The following LYST variants were observed in gnomAD, a reference collection of about 807,000 sequenced individuals.
LYST encodes lysosomal-trafficking regulator.
Under a neutral mutation model 413.6 loss-of-function variants are expected in LYST, and 192 were observed. The observed-to-expected ratio is 0.46, with a 90% CI of 0.41 to 0.52. The LOEUF is 0.52. Among genes scored for constraint, LYST ranks in the 20% least tolerant of loss-of-function variants. LYST has a pLI of 0.00. For synonymous variants in LYST, 1,525 were observed against 1,567.3 expected, an observed-to-expected ratio of 0.97 and a Z score of 0.64; for missense variants, 3,815 against 4,499.9, an observed-to-expected ratio of 0.85 and a Z score of 4.35.
intron 14 of LYST, 29 bp from the exon 15 acceptor site, chr1:235,782,116 C>A: frequency 6.3e-7 from 1 of 1,588,542 alleles, no homozygotes. Context: ...AAAGTTAAAG[C>A]AATGACTTTA....
At chr1:235,676,114 A>G (rs1659359333) in intron 50 of LYST, among the ~76,000 whole-genome samples, 1 of 152,220 alleles carries the variant, frequency 6.6e-6, no homozygotes, top group Non-Finnish European at 1.5e-5. Flanking sequence ...TAACATGTAT[A>G]TATGAAACAA....
chr1:235,731,059 G>C lies in LYST; in HGVS notation c.8920C>G (p.Leu2974Val). The C allele has an allele frequency of 1.2e-6, 2 of 1,613,676 alleles. No homozygotes were observed. Among genetic ancestry groups the C allele is most frequent in the Non-Finnish European group, 8.5e-7 (1 of 1,179,620 alleles). The change falls in exon 35 of 53, where the codon CTC becomes GTC. Residue 2974 changes from leucine (L) to valine (V), a missense_variant. Leu to Val is a conservative substitution (Grantham distance 32). Transcript: ENST00000389793. ...RCYLTIPNKY[L>V]LRDRQKSEDV... ...TCTGATTTCTGTCTATCCCTAAGGA[G>C]ATACTTATTTGGAATAGTTAAATAA...
intron 50 of LYST, among the ~76,000 whole-genome samples, chr1:235,667,937 C>G (rs1185089690): frequency 1.3e-5 from 2 of 152,136 alleles, no homozygotes; most frequent in Non-Finnish European, 2.9e-5. Context: ...GCAGGGATTA[C>G]AGGCATAGCC....
chr1:235,829,756 A>G (rs1453841119), intron 3 of LYST: 1 of 153,460 alleles, frequency 6.5e-6, no homozygotes, highest in Admixed American at 6.5e-5. Flanking sequence ...AAAACGTTTG[A>G]TAAATTAGAT....
At chr1:235,730,549 A>G (rs990093105) in intron 36 of LYST, among the ~76,000 whole-genome samples, 4 of 148,610 alleles carry the variant, frequency 2.7e-5, no homozygotes, top group Non-Finnish European at 4.4e-5. Flanking sequence ...ATATATGTGT[A>G]TATATATACA....
chr1:235,858,196 A>G (rs1679432791), intron 1 of LYST, among the ~76,000 whole-genome samples: 1 of 152,254 alleles, frequency 6.6e-6, no homozygotes, highest in Admixed American at 6.5e-5. Context: ...AAGTGCTTCA[A>G]TGCTAGAAGG....
chr1:235,694,987 T>C (rs561075864), intron 46 of LYST, among the ~76,000 whole-genome samples: 6 of 152,342 alleles, frequency 3.9e-5, no homozygotes, highest in East Asian at 3.9e-4. Context: ...GTGTGTCTCT[T>C]GTGTTAACAA....
intron 50 of LYST, 88 bp downstream of exon 50, chr1:235,677,003 G>A: frequency 1.1e-6 from 1 of 891,070 alleles, no homozygotes; most frequent in South Asian, 1.3e-5. Context: ...AGGGACCTGA[G>A]AGAATGGCTC....
At chr1:235,744,904 GA>G (rs61649555) in intron 29 of LYST, among the ~76,000 whole-genome samples, 33,705 of 137,266 alleles carry the variant, frequency 0.25, 5,551 homozygotes, top group African/African-American at 0.5. Context: ...AAAAAAAAAA[GA>G]AAAAAAAAAA....
At chr1:235,788,615 T>C in intron 13 of LYST, 86 bp downstream of exon 13, 2 of 1,328,494 alleles carry the variant, frequency 1.5e-6, no homozygotes, top group South Asian at 2.5e-5. Flanking sequence ...ATAATGAACT[T>C]TTATTAGTAG....
intron 31 of LYST, chr1:235,738,364 T>C (rs1572109288): frequency 6.2e-7 from 1 of 1,612,742 alleles, no homozygotes; most frequent in Non-Finnish European, 8.5e-7. Flanking sequence ...TCATCATTCC[T>C]AATGTTGTAA....
intron 2 of LYST, among the ~76,000 whole-genome samples, chr1:235,831,531 G>A (rs1016097950): frequency 3.9e-5 from 6 of 152,110 alleles, no homozygotes; most frequent in Admixed American, 1.3e-4. Context: ...ATGAACCAAC[G>A]GGATACAAAG....
intron 1 of LYST, among the ~76,000 whole-genome samples, chr1:235,882,593 G>T (rs1047143146): frequency 6.6e-6 from 1 of 152,172 alleles, no homozygotes; most frequent in African/African-American, 2.4e-5. Context: ...CCAGCTGAGG[G>T]TATTGGAAAT....
chr1:235,715,191 A>G lies in LYST; in HGVS notation c.9784+10T>C. 1 of 1,612,972 alleles carries G rather than the reference A, an allele frequency of 6.2e-7. No individual in the cohort carries two copies. The highest frequency in any genetic ancestry group is 8.5e-7 in the Non-Finnish European group (1 of 1,179,114). ...CAACATGACTTTTTAGGCAGTTATT[A>G]AATTCTTACCTTGATAGGCTAAAAA... On this transcript the variant is annotated intron_variant, in intron 42 of 52. Transcript: ENST00000389793.
chr1:235,882,108 A>AC (rs1553330425), intron 1 of LYST, among the ~76,000 whole-genome samples: 1 of 151,702 alleles, frequency 6.6e-6, no homozygotes, highest in African/African-American at 2.4e-5. Flanking sequence ...ACACACACAC[A>AC]AATAGGAGGC....
intron 48 of LYST, 102 bp from the exon 49 acceptor site, chr1:235,677,721 C>G: frequency 2.4e-6 from 2 of 845,376 alleles, no homozygotes. Context: ...ATGGTCTTCT[C>G]AAACATATCA....
In LYST at chr1:235,712,743, G is replaced by A. The variant is rs1239032574; in HGVS notation, c.9785-546C>T. 3 of 984,882 alleles carry A rather than the reference G, an allele frequency of 3.0e-6. No homozygotes were observed. In the Admixed American group the frequency reaches 1.9e-4, roughly 61 times the overall value. 61.0% of individuals were successfully genotyped at this position (984,882 alleles called of 1,614,324 possible). A position where few individuals can be genotyped will look rare whatever the true frequency, so the allele number is the denominator to read the frequency against. On this transcript the variant is annotated intron_variant, in intron 42 of 52. Transcript: ENST00000389793. ...CATTGTTTTTTGGTGTTCTAACTCT[G>A]AGCTAAAGAATTGAGTAAAATTTCC... is the stretch of plus-strand genomic sequence containing the variant.
intron 42 of LYST, among the ~76,000 whole-genome samples, chr1:235,713,548 T>C (rs891939524): frequency 9.2e-5 from 14 of 152,208 alleles, no homozygotes; most frequent in Admixed American, 9.2e-4. Flanking sequence ...AGTAGCACTT[T>C]TGCCCTCCAG....
At chr1:235,837,802 G>C (rs896806992) in intron 1 of LYST, among the ~76,000 whole-genome samples, 3 of 151,950 alleles carry the variant, frequency 2.0e-5, no homozygotes, top group African/African-American at 7.3e-5. Context: ...CTTTTGAGAA[G>C]TTCTGCCACA....
Sources: allele counts gnomAD v4.1 joint callset (sites outside exome capture counted in the v4.1 genomes callset), GRCh38; gene constraint gnomAD v4.1.1; transcripts MANE v1.5; gene names NCBI Gene and HGNC (gene_info 2026-07-23, HGNC 2026-07-21).